The following XRN2 variants were observed in gnomAD, a reference collection of about 807,000 sequenced individuals.
The protein encoded by XRN2 is DHM1-like protein.
Under a neutral mutation model 138.5 loss-of-function variants are expected in XRN2, and 44 were observed. The observed-to-expected ratio is 0.32, with a 90% CI of 0.25 to 0.41. The LOEUF is 0.41. Ranked by LOEUF, XRN2 falls within the 10% of genes least tolerant of loss-of-function variation. The pLI is 1.00. For synonymous variants in XRN2, 354 were observed against 369.4 expected (o/e 0.96, Z 0.48); for missense variants, 937 against 1,169.3 (o/e 0.80, Z 2.90).
chr20:21,346,353 A>C, intron 16 of XRN2, 62 bp from the exon 17 acceptor site: 1 of 1,591,732 alleles, frequency 6.3e-7, no homozygotes, highest in Non-Finnish European at 8.6e-7. Context: ...GGTATAAATT[A>C]GTAGACAGCC....
At chr20:21,343,975 G>C (rs1033324535) in intron 15 of XRN2, 115 bp from the exon 16 acceptor site, 23 of 716,348 alleles carry the variant, frequency 3.2e-5, no homozygotes, top group Admixed American at 2.3e-4. Context: ...CCATCTCTAT[G>C]TAGTAGCTTT....
In XRN2 at chr20:21,309,152, T is replaced by G. The variant is rs142098106; in HGVS notation, c.75+5679T>G. On this transcript the variant is annotated intron_variant, in intron 1 of 29. Coordinates refer to ENST00000377191, the MANE Select transcript of XRN2 (RefSeq NM_012255.5). ...AGATATTTGTAGCATTCTTGTAATG[T>G]GTAGTTGAGATGTCAGAATAATGTT... 1.1e-3 allele frequency among the ~76,000 whole-genome samples: 160 copies of G among 152,346 alleles called. 2 individuals carry two copies. The East Asian group carries it at 0.025, about 24-fold the overall frequency.
intron 1 of XRN2, among the ~76,000 whole-genome samples, chr20:21,313,100 C>T (rs1036100736): frequency 4.6e-5 from 7 of 152,200 alleles, no homozygotes; most frequent in Non-Finnish European, 1.5e-5. Flanking sequence ...CTGCGATTGG[C>T]GGAGACTCTG....
At chr20:21,350,354 GTC>G (rs1361130855) in intron 20 of XRN2, among the ~76,000 whole-genome samples, 1 of 151,686 alleles carries the variant, frequency 6.6e-6, no homozygotes, top group African/African-American at 2.4e-5. Flanking sequence ...GTGAAACACC[GTC>G]TCTACTAGAA....
At chr20:21,377,305 T>C (rs2038836178) in intron 27 of XRN2, among the ~76,000 whole-genome samples, 1 of 147,950 alleles carries the variant, frequency 6.8e-6, no homozygotes, top group Non-Finnish European at 1.5e-5. Flanking sequence ...CCACCCAGGC[T>C]GGAGTGCAGT....
At chr20:21,311,732 A>C (rs905620986) in intron 1 of XRN2, among the ~76,000 whole-genome samples, 1 of 152,204 alleles carries the variant, frequency 6.6e-6, no homozygotes, top group Non-Finnish European at 1.5e-5. Context: ...TCACGCCTGC[A>C]ATCCCAGCAC....
In XRN2 at chr20:21,386,905, A is replaced by T. The variant is rs371099785; in HGVS notation, c.2686A>T (p.Met896Leu). Residue 896 changes from methionine to leucine, a missense_variant, in exon 29 of 30, where the codon ATG becomes TTG. Met to Leu is a conservative substitution (Grantham distance 15, BLOSUM62 2). Transcript: ENST00000377191. ...GAEPLLPWNR[M>L]LQTQNAAFQP... ...TGAACCTCTGCTCCCATGGAACCGG[A>T]TGCTGCAAACCCAGAATGCAGCCTT... The T allele has an allele frequency of 1.9e-6, 3 of 1,613,966 alleles. No homozygotes were observed. Among genetic ancestry groups the T allele is most frequent in the South Asian group, 1.1e-5 (1 of 91,082 alleles).
Position 21,303,445 on chromosome 20 carries a change from C to T in XRN2, c.47C>T (p.Ser16Phe). 1 of 1,548,020 alleles carries T rather than the reference C, an allele frequency of 6.5e-7. No individual in the cohort carries two copies. The highest frequency in any genetic ancestry group is 8.7e-7 in the Non-Finnish European group (1 of 1,145,958). The change falls in exon 1 of 30, where the codon TCC (serine) becomes TTC (phenylalanine). Residue 16 changes from serine (S) to phenylalanine (F), a missense_variant. Physicochemically the swap from Ser to Phe is radical, Grantham distance 155. This residue lies in a region of XRN2 where 32 missense variants were observed against 32.9 expected (regional missense o/e 0.97). Transcript: ENST00000377191. The stretch of plus-strand genomic sequence containing the variant: ...CGCTGGCTCAGCCGCAAGTACCCGT[C>T]CATCATAGTCAACTGCGTGGAAGAG... Reference protein sequence around the residue: ...FFRWLSRKYPSIIVNCVEEKP... With the variant: ...FFRWLSRKYPFIIVNCVEEKP...
chr20:21,357,913 T>C (rs917802408), intron 24 of XRN2, 121 bp downstream of exon 24: 40 of 738,894 alleles, frequency 5.4e-5, no homozygotes, highest in African/African-American at 1.3e-4. Context: ...GCTTCGAGAT[T>C]GGAGAGTCCC....
At chr20:21,357,352 T>C (rs1266728610) in intron 23 of XRN2, among the ~76,000 whole-genome samples, 1 of 152,134 alleles carries the variant, frequency 6.6e-6, no homozygotes, top group Non-Finnish European at 1.5e-5. Context: ...AGGTAATATT[T>C]CTAGGAGGTT....
chr20:21,364,270 C>G (rs1436219002), intron 24 of XRN2, among the ~76,000 whole-genome samples: 1 of 152,142 alleles, frequency 6.6e-6, no homozygotes, highest in Non-Finnish European at 1.5e-5. Flanking sequence ...CACTGTTATT[C>G]ATACACTTGG....
chr20:21,358,953 T>C (rs565497993), intron 24 of XRN2, among the ~76,000 whole-genome samples: 1 of 152,336 alleles, frequency 6.6e-6, no homozygotes, highest in Admixed American at 6.5e-5. Flanking sequence ...GCATTGGCGC[T>C]TCAGGCCAAT....
At position 21,389,297 on chromosome 20, in the gene XRN2, TACC is replaced by T; in HGVS notation, c.2813_2815del (p.Tyr938_Pro939delinsSer). On this transcript the variant is annotated inframe_deletion, in exon 30 of 30. Coordinates refer to ENST00000377191, the MANE Select transcript of XRN2 (RefSeq NM_012255.5). Reference sequence around the variant, plus strand: ...GGGATATCCCAGAGAAGGAAGGAAATACCCTTTGCCACCACCCTCAGGAAGATA... The same window carrying T: ...GGGATATCCCAGAGAAGGAAGGAAATCTTTGCCACCACCCTCAGGAAGATA... 6.2e-7 allele frequency: 1 copy of T among 1,613,398 alleles called. No homozygotes were observed. The highest frequency in any genetic ancestry group is 1.1e-5 in the South Asian group (1 of 90,960).
intron 27 of XRN2, among the ~76,000 whole-genome samples, chr20:21,378,038 C>T (rs147625271): frequency 6.6e-6 from 1 of 152,240 alleles, no homozygotes; most frequent in African/African-American, 2.4e-5. Context: ...TTTATCTGAT[C>T]CCTTCTCTTT....
rs566960627 is a variant in XRN2, at chr20:21,360,751, A to G, written c.2255+2959A>G. Among the ~76,000 whole-genome samples the G allele has an allele frequency of 3.9e-5, 6 of 152,348 alleles. No homozygotes were observed. In the South Asian group the frequency reaches 1.2e-3, roughly 32 times the overall value. On this transcript the variant is annotated intron_variant, in intron 24 of 29. Coordinates refer to ENST00000377191, the MANE Select transcript of XRN2 (RefSeq NM_012255.5). ...CAAGGCTTATGCTTGGCAAGCAGAT[A>G]ACTCAAGATCCAAAGCCTGAAGGAA...
At chr20:21,320,899 C>G (rs1373471429) in intron 1 of XRN2, among the ~76,000 whole-genome samples, 1 of 152,168 alleles carries the variant, frequency 6.6e-6, no homozygotes, top group African/African-American at 2.4e-5. Context: ...AGGGCTCCTC[C>G]CAGCCATCTT....
chr20:21,324,561 C>T (rs913983475), intron 1 of XRN2, among the ~76,000 whole-genome samples: 23 of 150,918 alleles, frequency 1.5e-4, no homozygotes, highest in African/African-American at 4.6e-4. Flanking sequence ...ATCTCACTTG[C>T]ATCTCACAAG....
chr20:21,305,212 T>G (rs937689180), intron 1 of XRN2, among the ~76,000 whole-genome samples: 1 of 151,546 alleles, frequency 6.6e-6, no homozygotes, highest in African/African-American at 2.4e-5. Context: ...TGCTATCATA[T>G]CTTTCTTCAG....
chr20:21,326,444 C>T (rs1463225637), intron 2 of XRN2, 38 bp downstream of exon 2: 2 of 1,613,586 alleles, frequency 1.2e-6, no homozygotes, highest in Admixed American at 1.7e-5. Context: ...TAGCAAATCA[C>T]AGAGGAAACA....
Sources: gnomAD v4.1 joint callset for allele counts (sites outside exome capture counted in the v4.1 genomes callset) on GRCh38, gnomAD v4.1.1 for gene constraint, gnomAD v4.1.1 regional missense constraint, MANE v1.5 for transcripts, NCBI Gene and HGNC (gene_info 2026-07-23, HGNC 2026-07-21) for gene names.